MAP3K12: variants seen among roughly 807,000 people sequenced by gnomAD.
MAP3K12 encodes mitogen-activated protein kinase kinase kinase 12, also known as MAPK-upstream kinase.
In MAP3K12, 14 loss-of-function variants were observed where a neutral mutation model predicts 87.5. The ratio of observed to expected loss-of-function variants is 0.16; its 90% CI spans 0.11 to 0.25. The LOEUF (loss-of-function observed/expected upper bound fraction) is 0.25, where lower values mean the gene tolerates loss of function less well. MAP3K12 is among the 10% of genes least tolerant of loss of function. The pLI is 1.00. For synonymous variants in MAP3K12, 469 were observed against 452.5 expected (o/e 1.04, Z -0.46); for missense variants, 802 against 1,140.4 (o/e 0.70, Z 4.27).
intron 1 of MAP3K12, among the ~76,000 whole-genome samples, chr12:53,497,147 T>C (rs1301852293): frequency 6.6e-6 from 1 of 152,228 alleles, no homozygotes; most frequent in African/African-American, 2.4e-5. Flanking sequence ...TCAGAGATGA[T>C]GATAACACTA....
intron 1 of MAP3K12, among the ~76,000 whole-genome samples, chr12:53,495,187 A>G (rs1049991293): frequency 6.6e-6 from 1 of 151,604 alleles, no homozygotes; most frequent in Non-Finnish European, 1.5e-5. Context: ...AAAATACAAA[A>G]AATTAGCTGG....
chr12:53,482,491 G>A lies in MAP3K12; in HGVS notation c.2238+74C>T, dbSNP rs566949534. On this transcript the variant is annotated intron_variant, in intron 11 of 13. Coordinates refer to ENST00000547488, the MANE Select transcript of MAP3K12 (RefSeq NM_001193511.2). ...GGAATGGCTTAAAATTGAGCATAAT[G>A]TGGGGGATTAGACTTGGACCCCAGG... 62 of 1,604,480 alleles carry A rather than the reference G, an allele frequency of 3.9e-5. No individual in the cohort carries two copies. The Middle Eastern group carries it at 5.4e-4, about 14-fold the overall frequency.
intron 1 of MAP3K12, among the ~76,000 whole-genome samples, chr12:53,489,085 A>G (rs1943329524): frequency 6.6e-6 from 1 of 151,004 alleles, no homozygotes. Flanking sequence ...GTCTCAAAAA[A>G]AAAAAAAAAA....
upstream of MAP3K12, chr12:53,501,391 G>T: frequency 6.4e-7 from 1 of 1,558,434 alleles, no homozygotes; most frequent in Non-Finnish European, 8.7e-7. Context: ...GGTGGCGCCC[G>T]CGGGGACGGA....
intron 6 of MAP3K12, 86 bp from the exon 7 acceptor site, chr12:53,484,451 C>A: frequency 1.1e-6 from 1 of 915,402 alleles, no homozygotes; most frequent in Non-Finnish European, 1.8e-6. Flanking sequence ...AAAGTGTGTC[C>A]TGGAGAATCC....
At position 53,486,268 on chromosome 12, in the gene MAP3K12, TGAA is replaced by T; in HGVS notation, c.630-24_630-22del. ...CACCCCTGGGAGCCAAACAATGGTATGAAGGCCTCAGCTGGCTCAGCATTCACC... is the reference window on the plus strand; with the variant it reads ...CACCCCTGGGAGCCAAACAATGGTATGGCCTCAGCTGGCTCAGCATTCACC... On this transcript the variant is annotated intron_variant, in intron 3 of 13. Coordinates refer to ENST00000547488, the MANE Select transcript of MAP3K12 (RefSeq NM_001193511.2). The surrounding 1 kb of genome is among the most constrained non-coding windows in gnomAD (Gnocchi z 4.9). 6.3e-7 allele frequency: 1 copy of T among 1,584,424 alleles called. No individual in the cohort carries two copies. The highest frequency in any genetic ancestry group is 1.3e-5 in the African/African-American group (1 of 74,448).
In MAP3K12 at chr12:53,487,831, A is replaced by T. The variant is rs1943274193; in HGVS notation, c.-37-403T>A. 3 of 174,646 alleles carry T rather than the reference A, an allele frequency of 1.7e-5. No individual in the cohort carries two copies. In the South Asian group the frequency reaches 4.1e-4, roughly 24 times the overall value. 10.8% of individuals were successfully genotyped at this position (174,646 alleles called of 1,614,324 possible). A position where few individuals can be genotyped will look rare whatever the true frequency, so the allele number is the denominator to read the frequency against. On this transcript the variant is annotated intron_variant, in intron 1 of 13. Coordinates refer to ENST00000547488, the MANE Select transcript of MAP3K12 (RefSeq NM_001193511.2). ...TTTCACCCGAGACTCACAGGCACAC[A>T]CAGGTATCAGAAGGGTCTCACATTT...
Position 53,482,562 on chromosome 12 carries a change from T to C in MAP3K12, c.2238+3A>G, listed in dbSNP as rs369325003. 4.0e-5 allele frequency: 64 copies of C among 1,602,592 alleles called. No individual in the cohort carries two copies. The highest frequency in any genetic ancestry group is 6.7e-5 in the South Asian group (6 of 90,118). On this transcript the variant is annotated splice_donor_region_variant and intron_variant, in intron 11 of 13. Transcript: ENST00000547488. ...AGAGCTTGGGAGCCTTCCCATACTTTACCTGACTTCGGGTGACGGCAGCCC... is the reference window on the plus strand; with the variant it reads ...AGAGCTTGGGAGCCTTCCCATACTTCACCTGACTTCGGGTGACGGCAGCCC...
rs375637895 is a variant in MAP3K12 at position 53,483,196 on chromosome 12, G to C, written c.1614-7C>G. 6.6e-7 allele frequency: 1 copy of C among 1,525,666 alleles called. No homozygotes were observed. The highest frequency in any genetic ancestry group is 8.8e-7 in the Non-Finnish European group (1 of 1,139,004). The allele number at this position is 1,525,666 out of a possible 1,614,324, so 94.5% of individuals were successfully genotyped here. A position where few individuals can be genotyped will look rare whatever the true frequency, so the allele number is the denominator to read the frequency against. ...CGTCTTGAGGATATCTGGCCTGGAA[G>C]AAGAGGAAAAGTAAAAGGTTAAGAC... On this transcript the variant is annotated splice_region_variant and splice_polypyrimidine_tract_variant and intron_variant, in intron 10 of 13. Coordinates refer to ENST00000547488, the MANE Select transcript of MAP3K12 (RefSeq NM_001193511.2).
rs372587098 is a variant in MAP3K12, at chr12:53,492,527, T to C, written c.-37-5099A>G. Among the ~76,000 whole-genome samples, 17 of 152,104 alleles carry C rather than the reference T, an allele frequency of 1.1e-4. No individual in the cohort carries two copies. In the East Asian group the frequency reaches 1.9e-3, roughly 17 times the overall value. ...CAGAAGAGCCAGGTGAAGGAGGTAC[T>C]ACTGGTCCCATTATATTCTTGAGAG... On this transcript the variant is annotated intron_variant, in intron 1 of 13. Transcript: ENST00000547488.
Position 53,485,048 on chromosome 12 carries a change from A to G in MAP3K12, c.1139+8T>C. On this transcript the variant is annotated splice_region_variant and intron_variant, in intron 6 of 13. Coordinates refer to ENST00000547488, the MANE Select transcript of MAP3K12 (RefSeq NM_001193511.2). ...CAGGCCCAGTATCCCAGCCCAGACC[A>G]TCCTTACCAGCACTGGCGAAGCAGG... 1 of 1,614,088 alleles carries G rather than the reference A, an allele frequency of 6.2e-7. No homozygotes were observed. The highest frequency in any genetic ancestry group is 8.5e-7 in the Non-Finnish European group (1 of 1,180,012).
At position 53,483,232 on chromosome 12, in the gene MAP3K12, A is replaced by G. The variant is rs118055479; in HGVS notation, c.1614-43T>C. ...GTAAAAGGTTAAGACTGCCAAATCT[A>G]TGTACTCAAAGCACTCCCTAACCTT... is the stretch of plus-strand genomic sequence containing the variant. On this transcript the variant is annotated intron_variant, in intron 10 of 13. Coordinates refer to ENST00000547488, the MANE Select transcript of MAP3K12 (RefSeq NM_001193511.2). 268 of 1,538,334 alleles carry G rather than the reference A, an allele frequency of 1.7e-4. 1 individual carries two copies. The East Asian group carries it at 2.0e-3, about 12-fold the overall frequency.
At chr12:53,487,543 G>T in intron 1 of MAP3K12, 115 bp from the exon 2 acceptor site, 1 of 1,037,710 alleles carries the variant, frequency 9.6e-7, no homozygotes, top group Non-Finnish European at 1.4e-6. Flanking sequence ...CCCCGCTGGA[G>T]GTAACACTTG....
chr12:53,488,224 GC>G (rs1461069315), intron 1 of MAP3K12, among the ~76,000 whole-genome samples: 3 of 152,194 alleles, frequency 2.0e-5, no homozygotes, highest in African/African-American at 7.2e-5. Flanking sequence ...ATCCCCCTTG[GC>G]CCTCCCTTCA....
chr12:53,481,884 G>GCAT (rs1943062474), intron 13 of MAP3K12, 57 bp downstream of exon 13: 3 of 1,570,340 alleles, frequency 1.9e-6, no homozygotes, highest in East Asian at 4.5e-5. Context: ...AAAAGACAAG[G>GCAT]CATCTGCTTA....
chr12:53,483,384 C>G lies in MAP3K12; in HGVS notation c.1578G>C (p.Arg526Ser), dbSNP rs116442897. The G allele has an allele frequency of 1.9e-6, 3 of 1,614,126 alleles. No homozygotes were observed. Among genetic ancestry groups the G allele is most frequent in the East Asian group, 4.5e-5 (2 of 44,866 alleles). The change falls in exon 10 of 14, where the codon AGG (arginine) becomes AGC (serine). Residue 526 changes from arginine (R) to serine (S), a missense_variant. Around this residue, in one of 5 missense-constraint regions of MAP3K12, gnomAD observed 490 missense variants for 496.6 expected, o/e 0.99. Transcript: ENST00000547488. Reference sequence around the variant, plus strand: ...GGGGTGACAGCTTCTGTGGCACATTCCTCTTCTTGATAAGCTTCTCCATTG... The same window carrying G: ...GGGGTGACAGCTTCTGTGGCACATTGCTCTTCTTGATAAGCTTCTCCATTG... Reference protein sequence around the residue: ...GNTMEKLIKKRNVPQKLSPHS... With the variant: ...GNTMEKLIKKSNVPQKLSPHS...
At position 53,484,626 on chromosome 12, in the gene MAP3K12, T is replaced by C. The variant is rs1592710805; in HGVS notation, c.1140-261A>G. The C allele has an allele frequency of 2.1e-5, 10 of 487,492 alleles. No homozygotes were observed. In the East Asian group the frequency reaches 3.4e-4, roughly 16 times the overall value. The allele number at this position is 487,492 out of a possible 1,614,324, so 30.2% of individuals were successfully genotyped here. A position where few individuals can be genotyped will look rare whatever the true frequency, so the allele number is the denominator to read the frequency against. ...TAAAAGCCTTTTCTGAATAACTTCA[T>C]TGAAGGAACCACATTTTGGGAAATG... On this transcript the variant is annotated intron_variant, in intron 6 of 13. Transcript: ENST00000547488.
At chr12:53,481,902 C>T (rs1943062965) in intron 13 of MAP3K12, 39 bp downstream of exon 13, 2 of 1,595,706 alleles carry the variant, frequency 1.3e-6, no homozygotes, top group South Asian at 1.1e-5. Flanking sequence ...TTACAGCTCT[C>T]CCTGTTCAAT....
chr12:53,484,888 C>T (rs1339219052), intron 6 of MAP3K12, 168 bp downstream of exon 6: 5 of 760,918 alleles, frequency 6.6e-6, no homozygotes, highest in Middle Eastern at 3.4e-4. Flanking sequence ...AGAGTAGATA[C>T]CAATTACCCC....
Sources: gnomAD v4.1 joint callset for allele counts (sites outside exome capture counted in the v4.1 genomes callset) on GRCh38, gnomAD v4.1.1 for gene constraint, gnomAD v4.1.1 regional missense constraint, Gnocchi (gnomAD v3.1) non-coding constraint, MANE v1.5 for transcripts, NCBI Gene and HGNC (gene_info 2026-07-23, HGNC 2026-07-21) for gene names.